The following EFHC2 variants were observed in gnomAD, a reference collection of about 807,000 sequenced individuals.
EFHC2 encodes the protein EF-hand domain containing 2, also known as EF-hand domain-containing family member C2.
A neutral mutation model predicts 52.7 loss-of-function variants in EFHC2; 18 were observed. The observed-to-expected ratio is 0.34, with a 90% confidence interval of 0.24 to 0.51. The LOEUF (loss-of-function observed/expected upper bound fraction) is 0.51. Among genes scored for constraint, EFHC2 ranks in the 20% least tolerant of loss-of-function variants. EFHC2 has a pLI of 0.97. For missense variants in EFHC2, 513 were observed against 562.5 expected (o/e 0.91, Z 0.89); for synonymous variants, 203 against 204.1 (o/e 0.99, Z 0.04).
At chrX:44,190,421 G>T (rs1281702509) in intron 11 of EFHC2, among the ~76,000 whole-genome samples, 1 of 111,807 alleles carries the variant, frequency 8.9e-6, no homozygotes, top group Admixed American at 9.5e-5. Context: ...ATGGCAAATG[G>T]GAATTAAATG....
At chrX:44,337,245 T>A (rs1434562613) in intron 1 of EFHC2, among the ~76,000 whole-genome samples, 1 of 111,776 alleles carries the variant, frequency 8.9e-6, no homozygotes, top group East Asian at 2.8e-4. Flanking sequence ...AGTTTAACTA[T>A]CTGTTTTGGG....
At chrX:44,272,922 T>C in intron 2 of EFHC2, 86 bp from the exon 3 acceptor site, 3 of 846,261 alleles carry the variant, frequency 3.5e-6, no homozygotes, top group Non-Finnish European at 4.9e-6. Flanking sequence ...GTATACTTTT[T>C]GTTAATATAA....
chrX:44,168,062 G>T (rs532218713), intron 13 of EFHC2, among the ~76,000 whole-genome samples: 2 of 111,653 alleles, frequency 1.8e-5, no homozygotes, highest in Admixed American at 9.5e-5. Flanking sequence ...AACTAACTTG[G>T]CAGAGCTGAG....
intron 10 of EFHC2, among the ~76,000 whole-genome samples, chrX:44,230,201 A>G (rs907417136): frequency 1.8e-5 from 2 of 111,417 alleles, no homozygotes; most frequent in African/African-American, 6.5e-5. Flanking sequence ...ACTGCTGTCC[A>G]TTAGGCAACG....
chrX:44,229,979 C>T (rs1264743252), intron 10 of EFHC2, among the ~76,000 whole-genome samples, 200 bp from the exon 11 acceptor site: 1 of 109,965 alleles, frequency 9.1e-6, no homozygotes, highest in Admixed American at 9.7e-5. Flanking sequence ...CAGCTGACAT[C>T]AGCATAGGCC....
intron 7 of EFHC2, among the ~76,000 whole-genome samples, chrX:44,244,890 C>CT (rs2037387171): frequency 8.9e-6 from 1 of 112,269 alleles, no homozygotes; most frequent in South Asian, 3.7e-4. Flanking sequence ...AGGAAGACCT[C>CT]TAAAGATTAC....
chrX:44,261,297 C>G lies in EFHC2; in HGVS notation c.384G>C (p.Gly128=). ...PEVKNSGLLQ[G]TSIRRHRITL... ...TAATCCGATGACGCCGGATAGAAGT[C>G]CCTATGGCATGAAAGAAAATACAAC... Residue 128 remains glycine, a splice_region_variant and synonymous_variant, in exon 4 of 15, where the codon GGG becomes GGC. Transcript: ENST00000420999. 8.5e-7 allele frequency: 1 copy of G among 1,174,093 alleles called. No homozygotes were observed. Among genetic ancestry groups the G allele is most frequent in the Non-Finnish European group, 1.1e-6 (1 of 874,919 alleles).
At chrX:44,159,453 T>G in intron 14 of EFHC2, among the ~76,000 whole-genome samples, 1 of 112,389 alleles carries the variant, frequency 8.9e-6, no homozygotes, top group Non-Finnish European at 1.9e-5. Context: ...ACTGGTAACA[T>G]TCCCAAGGTA....
intron 11 of EFHC2, among the ~76,000 whole-genome samples, chrX:44,190,477 A>G (rs1407753120): frequency 8.9e-6 from 1 of 112,123 alleles, no homozygotes; most frequent in African/African-American, 3.2e-5. Context: ...GAGCAGGTGG[A>G]ATGTGTCATG....
At chrX:44,162,955 T>C (rs2036668855) in intron 14 of EFHC2, among the ~76,000 whole-genome samples, 1 of 112,014 alleles carries the variant, frequency 8.9e-6, no homozygotes, top group Admixed American at 9.5e-5. Flanking sequence ...AGTCAATACT[T>C]AATCCTGATT....
intron 14 of EFHC2, among the ~76,000 whole-genome samples, chrX:44,151,664 A>G (rs2036571605): frequency 8.9e-6 from 1 of 112,436 alleles, no homozygotes; most frequent in South Asian, 3.7e-4. Flanking sequence ...TTAATTAATT[A>G]TATCTGCAAA....
intron 2 of EFHC2, among the ~76,000 whole-genome samples, chrX:44,292,269 C>T (rs1374631593): frequency 1.8e-5 from 2 of 110,498 alleles, no homozygotes; most frequent in East Asian, 5.7e-4. Context: ...ACCCCATATC[C>T]GAAATTCTTG....
At position 44,178,504 on chromosome X, in the gene EFHC2, T is replaced by C. The variant is rs769163138; in HGVS notation, c.1812A>G (p.Ala604=). ...TGCCCTCAGGCACACGGTAGTGACG[T>C]GCAATGGTTACAAATTCTTGCTCTG... ...NLAEQEFVTI[A]RHYRVPEGTC... Residue 604 remains alanine, a synonymous_variant, in exon 12 of 15, where the codon GCA becomes GCG. Coordinates refer to ENST00000420999, the MANE Select transcript of EFHC2 (RefSeq NM_025184.4). The C allele has an allele frequency of 1.7e-6, 2 of 1,205,360 alleles. No homozygotes were observed. Among genetic ancestry groups the C allele is most frequent in the East Asian group, 5.9e-5 (2 of 33,751 alleles).
chrX:44,158,057 G>A (rs768839514), intron 14 of EFHC2, among the ~76,000 whole-genome samples: 1 of 111,084 alleles, frequency 9.0e-6, no homozygotes, highest in East Asian at 2.9e-4. Context: ...CTCAGCCTGT[G>A]GTTGGCTGAA....
At chrX:44,168,343 T>C (rs1187226919) in intron 13 of EFHC2, among the ~76,000 whole-genome samples, 2 of 111,114 alleles carry the variant, frequency 1.8e-5, no homozygotes, top group African/African-American at 6.6e-5. Context: ...CCATCCTGGC[T>C]AACACAGTGA....
chrX:44,184,029 T>C (rs765632982), intron 11 of EFHC2, among the ~76,000 whole-genome samples: 1 of 112,138 alleles, frequency 8.9e-6, no homozygotes, highest in African/African-American at 3.2e-5. Flanking sequence ...ACTTGTGAAA[T>C]AGAATTTTAT....
intron 8 of EFHC2, among the ~76,000 whole-genome samples, chrX:44,241,098 T>C (rs763196993): frequency 9.0e-6 from 1 of 111,507 alleles, no homozygotes; most frequent in African/African-American, 3.3e-5. Flanking sequence ...CTCCTTCTCC[T>C]AGACTTACCA....
chrX:44,210,796 G>C (rs1231601708), intron 11 of EFHC2, among the ~76,000 whole-genome samples: 1 of 112,195 alleles, frequency 8.9e-6, no homozygotes, highest in Non-Finnish European at 1.9e-5. Flanking sequence ...CAATACCAAT[G>C]CATAATCCAT....
Position 44,243,843 on chromosome X carries a change from G to A in EFHC2, c.1112-1554C>T, listed in dbSNP as rs761570058. On this transcript the variant is annotated intron_variant, in intron 7 of 14. Transcript: ENST00000420999. Reference sequence around the variant, plus strand: ...GAGGAGAGTTCAAATCTTGGAATTGGGCAGAATTGCAGTAGACTCTATCAT... The same window carrying A: ...GAGGAGAGTTCAAATCTTGGAATTGAGCAGAATTGCAGTAGACTCTATCAT... 3.8e-4 allele frequency among the ~76,000 whole-genome samples: 43 copies of A among 111,764 alleles called. 1 individual carries two copies. The highest frequency in any genetic ancestry group is 3.4e-3 in the South Asian group (9 of 2,668).
Sources: allele counts gnomAD v4.1 joint callset (sites outside exome capture counted in the v4.1 genomes callset), GRCh38; gene constraint gnomAD v4.1.1; transcripts MANE v1.5; gene names NCBI Gene and HGNC (gene_info 2026-07-23, HGNC 2026-07-21).